Variants in KIR3DL2 observed in about 807,000 individuals in gnomAD.
The protein encoded by KIR3DL2 is killer cell immunoglobulin like receptor, three Ig domains and long cytoplasmic tail 2.
KIR3DL2 carries 42 observed loss-of-function variants against 41.6 expected under a neutral mutation model. The ratio of observed to expected loss-of-function variants is 1.01; its 90% CI spans 0.79 to 1.31. The LOEUF (loss-of-function observed/expected upper bound fraction) is 1.31. Ranked by LOEUF, KIR3DL2 falls within the 50% of genes most tolerant of loss-of-function variation. The pLI is 0.00. For synonymous variants in KIR3DL2, 230 were observed against 221.3 expected, an observed-to-expected ratio of 1.04 and a Z score of -0.35; for missense variants, 728 against 576.8, an observed-to-expected ratio of 1.26 and a Z score of -2.68.
At chr19:54,851,084 G>T (rs2064187442) in intron 1 of KIR3DL2, 136 bp from the exon 2 acceptor site, 7 of 1,106,176 alleles carry the variant, frequency 6.3e-6, no homozygotes, top group Non-Finnish European at 9.7e-6. Context: ...CCTGTTCTTG[G>T]CAGCAGGTAG....
intron 5 of KIR3DL2, among the ~76,000 whole-genome samples, chr19:54,857,086 CTTT>C (rs201001116): frequency 7.0e-6 from 1 of 143,866 alleles, no homozygotes; most frequent in Non-Finnish European, 1.5e-5. Context: ...TGAAAGTTCT[CTTT>C]TTTTTTTTTT....
intron 3 of KIR3DL2, among the ~76,000 whole-genome samples, 156 bp from the exon 4 acceptor site, chr19:54,853,591 G>A (rs369198659): frequency 6.6e-6 from 1 of 151,540 alleles, no homozygotes; most frequent in Non-Finnish European, 1.5e-5. Flanking sequence ...CAAATGGAGG[G>A]ACCTGCACCA....
At chr19:54,851,937 A>G (rs1260194589) in intron 2 of KIR3DL2, 61 bp from the exon 3 acceptor site, 15 of 1,581,876 alleles carry the variant, frequency 9.5e-6, no homozygotes, top group Middle Eastern at 1.8e-4. Context: ...TCTTCTGAGC[A>G]CAGGGAGGGA....
chr19:54,856,434 G>T (rs1260485240), intron 5 of KIR3DL2, among the ~76,000 whole-genome samples: 1 of 151,636 alleles, frequency 6.6e-6, no homozygotes, highest in East Asian at 1.9e-4. Flanking sequence ...TAATCTTGGC[G>T]CTTTGAGAGG....
intron 7 of KIR3DL2, among the ~76,000 whole-genome samples, 187 bp downstream of exon 7, chr19:54,866,096 G>A (rs201226349): frequency 1.4e-4 from 21 of 151,762 alleles, no homozygotes; most frequent in South Asian, 4.2e-4. Context: ...CCATTGCCTG[G>A]TTCTGAACTG....
intron 5 of KIR3DL2, among the ~76,000 whole-genome samples, chr19:54,858,470 T>A (rs2064952068): frequency 2.0e-5 from 3 of 149,736 alleles, no homozygotes; most frequent in African/African-American, 7.5e-5. Flanking sequence ...GGCTCACACC[T>A]GCAATTCCAG....
chr19:54,855,801 T>A lies in KIR3DL2; in HGVS notation c.838T>A (p.Phe280Ile). The A allele has an allele frequency of 6.2e-7, 1 of 1,613,430 alleles. No homozygotes were observed. The highest frequency in any genetic ancestry group is 8.5e-7 in the Non-Finnish European group (1 of 1,179,938). The change falls in exon 5 of 9, where the codon TTT becomes ATT. Residue 280 changes from phenylalanine to isoleucine, a missense_variant. By Grantham distance (21) the Phe-to-Ile change is conservative. Coordinates refer to ENST00000326321, the MANE Select transcript of KIR3DL2 (RefSeq NM_006737.4). ...GGTCAACAGAACATTCCAGGCAGACTTTCCTCTGGGCCCTGCCACCCACGG... is the reference window on the plus strand; with the variant it reads ...GGTCAACAGAACATTCCAGGCAGACATTCCTCTGGGCCCTGCCACCCACGG... The part of the protein sequence containing the change: ...PKVNRTFQAD[F>I]PLGPATHGGT...
chr19:54,852,193 A>G lies in KIR3DL2; in HGVS notation c.266A>G (p.His89Arg). 6.2e-7 allele frequency: 1 copy of G among 1,612,514 alleles called. No individual in the cohort carries two copies. The highest frequency in any genetic ancestry group is 8.5e-7 in the Non-Finnish European group (1 of 1,179,366). Residue 89 changes from histidine (H) to arginine (R), a missense_variant, in exon 3 of 9, where the codon CAT (histidine) becomes CGT (arginine). Transcript: ENST00000326321. ...SFIMGPVTPAHAGTYRCRGSR... is the reference protein window; with the variant it reads ...SFIMGPVTPARAGTYRCRGSR... ...ATCATGGGCCCTGTGACCCCAGCAC[A>G]TGCAGGGACCTACAGATGTCGGGGT...
At chr19:54,851,588 G>C (rs1348586973) in intron 2 of KIR3DL2, among the ~76,000 whole-genome samples, 1 of 151,530 alleles carries the variant, frequency 6.6e-6, no homozygotes, top group Admixed American at 6.6e-5. Context: ...TTTCCGTGAC[G>C]GTAGGGGCTG....
intron 3 of KIR3DL2, among the ~76,000 whole-genome samples, chr19:54,852,520 A>G (rs1272340013): frequency 1.3e-5 from 2 of 151,646 alleles, no homozygotes; most frequent in Admixed American, 1.3e-4. Flanking sequence ...CTGAAGGGGA[A>G]GGTGGAGCTC....
At chr19:54,861,045 AC>A (rs1287012862) in intron 6 of KIR3DL2, among the ~76,000 whole-genome samples, 1 of 143,992 alleles carries the variant, frequency 6.9e-6, no homozygotes, top group African/African-American at 2.5e-5. Context: ...AATATGACTG[AC>A]ATGAAAATAA....
chr19:54,860,922 A>G (rs142851557), intron 6 of KIR3DL2, among the ~76,000 whole-genome samples: 12,747 of 114,132 alleles, frequency 0.11, 15 homozygotes, highest in South Asian at 0.14. Flanking sequence ...ATGACTGTAG[A>G]GAGACGGAGA....
At position 54,850,733 on chromosome 19, in the gene KIR3DL2, G is replaced by A. The variant is rs1281679397; in HGVS notation, c.34+224G>A. Among the ~76,000 whole-genome samples, 14 of 145,572 alleles carry A rather than the reference G, an allele frequency of 9.6e-5. No individual in the cohort carries two copies. The South Asian group carries it at 2.0e-3, about 21-fold the overall frequency. ...AGATATGGGCCTGGAGTGGAGATAC[G>A]GGCCTGGAGTGGAGATATGGGCCTG... On this transcript the variant is annotated intron_variant, in intron 1 of 8. Coordinates refer to ENST00000326321, the MANE Select transcript of KIR3DL2 (RefSeq NM_006737.4).
intron 4 of KIR3DL2, among the ~76,000 whole-genome samples, 189 bp downstream of exon 4, chr19:54,854,235 G>C (rs1307497146): frequency 1.3e-5 from 2 of 151,712 alleles, no homozygotes; most frequent in African/African-American, 4.9e-5. Context: ...TGTCATAACA[G>C]AGGACAGACA....
intron 6 of KIR3DL2, among the ~76,000 whole-genome samples, chr19:54,861,219 T>TG (rs111397637): frequency 0.34 from 50,541 of 146,818 alleles, 8,356 homozygotes; most frequent in South Asian, 0.39. Flanking sequence ...TTGCTGGGTT[T>TG]AATTTTTCCT....
At chr19:54,853,223 G>A (rs1397302657) in intron 3 of KIR3DL2, among the ~76,000 whole-genome samples, 1 of 151,666 alleles carries the variant, frequency 6.6e-6, no homozygotes, top group Non-Finnish European at 1.5e-5. Context: ...ACATAGGAAG[G>A]GGTTGATGCT....
intron 6 of KIR3DL2, among the ~76,000 whole-genome samples, chr19:54,863,865 A>G (rs1601825898): frequency 6.6e-6 from 1 of 151,754 alleles, no homozygotes; most frequent in Non-Finnish European, 1.5e-5. Context: ...GTTTAATTAG[A>G]TCCCGTTTGT....
rs371864240 is a variant in KIR3DL2 at position 54,866,554 on chromosome 19, G to T, written c.1191G>T (p.Thr397=). 4.8e-5 allele frequency: 78 copies of T among 1,613,842 alleles called. 2 individuals are homozygous for T. In the Middle Eastern group the frequency reaches 9.9e-4, roughly 20 times the overall value. ...DSDEQDPQEV[T]YAQLDHCVFI... ...ATGAACAAGACCCTCAGGAGGTGAC[G>T]TACGCACAGTTGGATCACTGCGTTT... The change falls in exon 9 of 9, where the codon ACG becomes ACT. Residue 397 remains threonine, a synonymous_variant. Coordinates refer to ENST00000326321, the MANE Select transcript of KIR3DL2 (RefSeq NM_006737.4).
intron 6 of KIR3DL2, among the ~76,000 whole-genome samples, chr19:54,861,826 T>C (rs2065199968): frequency 6.6e-6 from 1 of 151,578 alleles, no homozygotes. Flanking sequence ...CATGAGATCA[T>C]ATGGAAAATA....
Sources: allele counts gnomAD v4.1 joint callset (sites outside exome capture counted in the v4.1 genomes callset), GRCh38; gene constraint gnomAD v4.1.1; transcripts MANE v1.5; gene names NCBI Gene and HGNC (gene_info 2026-07-23, HGNC 2026-07-21).